DSCAM: variants seen among roughly 807,000 people sequenced by gnomAD.
The protein encoded by DSCAM is cell adhesion molecule DSCAM.
Under a neutral mutation model 217.7 loss-of-function variants are expected in DSCAM, and 47 were observed. The observed-to-expected ratio is 0.22, with a 90% CI of 0.17 to 0.28. The LOEUF (loss-of-function observed/expected upper bound fraction) is 0.28, where lower values mean the gene tolerates loss of function less well. Among genes scored for constraint, DSCAM ranks in the 10% least tolerant of loss-of-function variants. The pLI is 1.00. For synonymous variants in DSCAM, 1,056 were observed against 1,015.3 expected (o/e 1.04, Z -0.76); for missense variants, 2,080 against 2,618.3 (o/e 0.79, Z 4.49).
intron 11 of DSCAM, among the ~76,000 whole-genome samples, chr21:40,238,365 A>G (rs978978799): frequency 1.3e-5 from 2 of 152,234 alleles, no homozygotes; most frequent in Admixed American, 6.5e-5. Flanking sequence ...ACTTTGGCTC[A>G]TGAGAATCTC....
At chr21:40,405,113 C>T (rs886081868) in intron 3 of DSCAM, among the ~76,000 whole-genome samples, 6 of 152,022 alleles carry the variant, frequency 3.9e-5, no homozygotes, top group Admixed American at 2.6e-4. Context: ...GCCCATGGCC[C>T]CCAGGAACTG....
chr21:40,766,874 CG>C (rs2091397516), intron 1 of DSCAM, among the ~76,000 whole-genome samples: 1 of 151,796 alleles, frequency 6.6e-6, no homozygotes, highest in Non-Finnish European at 1.5e-5. Flanking sequence ...TTAGTAAAGA[CG>C]GGGTTTCACC....
At chr21:40,375,305 T>C (rs1003958721) in intron 3 of DSCAM, among the ~76,000 whole-genome samples, 1 of 152,256 alleles carries the variant, frequency 6.6e-6, no homozygotes, top group Non-Finnish European at 1.5e-5. Context: ...CATTTAGCAA[T>C]ATACATCATT....
chr21:40,407,141 G>A (rs1377970319), intron 3 of DSCAM, among the ~76,000 whole-genome samples: 3 of 152,102 alleles, frequency 2.0e-5, no homozygotes, highest in South Asian at 4.2e-4. Context: ...GGTTTTAAAT[G>A]TTCACACCAC....
intron 3 of DSCAM, among the ~76,000 whole-genome samples, chr21:40,680,590 T>TA (rs1371364792): frequency 6.6e-6 from 1 of 152,250 alleles, no homozygotes; most frequent in Non-Finnish European, 1.5e-5. Flanking sequence ...TATAGCTTCT[T>TA]TTCAAAGAAC....
At chr21:40,222,080 G>A (rs920437858) in intron 11 of DSCAM, among the ~76,000 whole-genome samples, 5 of 152,078 alleles carry the variant, frequency 3.3e-5, no homozygotes, top group Admixed American at 3.3e-4. Flanking sequence ...TCACTTCAAG[G>A]GAAACAACTG....
intron 11 of DSCAM, among the ~76,000 whole-genome samples, chr21:40,269,016 G>C (rs901143652): frequency 6.6e-6 from 1 of 152,110 alleles, no homozygotes; most frequent in Non-Finnish European, 1.5e-5. Flanking sequence ...TCTCAATCCA[G>C]ATCTAACTCC....
At chr21:40,588,530 G>A (rs1410925947) in intron 3 of DSCAM, among the ~76,000 whole-genome samples, 2 of 152,130 alleles carry the variant, frequency 1.3e-5, no homozygotes, top group Non-Finnish European at 2.9e-5. Flanking sequence ...CATTTTTAGA[G>A]CAACAGACTC....
intron 3 of DSCAM, among the ~76,000 whole-genome samples, chr21:40,652,300 C>A (rs1164787024): frequency 6.6e-6 from 1 of 150,910 alleles, no homozygotes; most frequent in Non-Finnish European, 1.5e-5. Flanking sequence ...GCACATGTGC[C>A]CCTGAAGTTA....
intron 29 of DSCAM, among the ~76,000 whole-genome samples, chr21:40,052,508 T>C (rs1166781043): frequency 1.3e-5 from 2 of 152,132 alleles, no homozygotes; most frequent in Non-Finnish European, 2.9e-5. Context: ...TGAAGACAGG[T>C]CCCTTTGGCT....
chr21:40,479,306 G>A (rs901393712), intron 3 of DSCAM, among the ~76,000 whole-genome samples: 18 of 152,150 alleles, frequency 1.2e-4, no homozygotes, highest in Non-Finnish European at 2.4e-4. Flanking sequence ...ATCTGCTCAG[G>A]GAAGTACACA....
At chr21:40,017,479 T>C (rs2088179116) in intron 32 of DSCAM, among the ~76,000 whole-genome samples, 1 of 152,200 alleles carries the variant, frequency 6.6e-6, no homozygotes, top group Admixed American at 6.5e-5. Context: ...ATTAAAGGCA[T>C]TCTAATTCAA....
chr21:40,747,801 T>C (rs2091189969), intron 1 of DSCAM, among the ~76,000 whole-genome samples: 1 of 151,816 alleles, frequency 6.6e-6, no homozygotes, highest in African/African-American at 2.4e-5. Context: ...TCCTGATGAA[T>C]ACAGATGCAA....
At chr21:40,261,809 G>T (rs1286565569) in intron 11 of DSCAM, among the ~76,000 whole-genome samples, 2 of 152,032 alleles carry the variant, frequency 1.3e-5, no homozygotes, top group East Asian at 3.9e-4. Flanking sequence ...CTGACAAATA[G>T]AAATTTAATG....
chr21:40,221,800 A>T (rs564822621), intron 11 of DSCAM, among the ~76,000 whole-genome samples: 55 of 152,314 alleles, frequency 3.6e-4, no homozygotes, highest in African/African-American at 1.3e-3. Context: ...TCACTTCAGC[A>T]TGTCCTTGAC....
chr21:40,153,782 C>T (rs887304120), intron 16 of DSCAM, among the ~76,000 whole-genome samples: 1 of 152,128 alleles, frequency 6.6e-6, no homozygotes, highest in Non-Finnish European at 1.5e-5. Flanking sequence ...CTCCCTGAGT[C>T]TGAGAATCAC....
At chr21:40,503,640 C>A (rs770254204) in intron 3 of DSCAM, among the ~76,000 whole-genome samples, 1 of 152,172 alleles carries the variant, frequency 6.6e-6, no homozygotes, top group African/African-American at 2.4e-5. Flanking sequence ...CAAGAACTCT[C>A]AAACAAAAAT....
chr21:40,044,059 A>G lies in DSCAM; in HGVS notation c.5383+19T>C, dbSNP rs115027151. 1,340 of 1,612,382 alleles carry G rather than the reference A, an allele frequency of 8.3e-4. 8 individuals are homozygous for G. In the African/African-American group the frequency reaches 0.016, roughly 19 times the overall value. Reference sequence around the variant, plus strand: ...CCGTGCTGGTCCCCAGGGACGGAGGAGGCAGCGTCAGGGCCTACCTGTGTC... The same window carrying G: ...CCGTGCTGGTCCCCAGGGACGGAGGGGGCAGCGTCAGGGCCTACCTGTGTC... On this transcript the variant is annotated intron_variant, in intron 31 of 32. Coordinates refer to ENST00000400454, the MANE Select transcript of DSCAM (RefSeq NM_001389.5).
rs989892354 is a variant in DSCAM, at chr21:40,773,170, C to G, written c.44-64399G>C. Among the ~76,000 whole-genome samples, 8 of 152,342 alleles carry G rather than the reference C, an allele frequency of 5.3e-5. No homozygotes were observed. In the Middle Eastern group the frequency reaches 0.01, roughly 194 times the overall value. ...CTTCATCAGTCCCTCGCACGAGAACCCCCTTCTCAGGTTCTACTTCTAGGA... is the reference window on the plus strand; with the variant it reads ...CTTCATCAGTCCCTCGCACGAGAACGCCCTTCTCAGGTTCTACTTCTAGGA... On this transcript the variant is annotated intron_variant, in intron 1 of 32. Coordinates refer to ENST00000400454, the MANE Select transcript of DSCAM (RefSeq NM_001389.5).
Sources: gnomAD v4.1 joint callset for allele counts (sites outside exome capture counted in the v4.1 genomes callset) on GRCh38, gnomAD v4.1.1 for gene constraint, MANE v1.5 for transcripts, NCBI Gene and HGNC (gene_info 2026-07-23, HGNC 2026-07-21) for gene names.